The following SCNN1G variants were observed in gnomAD, a reference collection of about 807,000 sequenced individuals.
SCNN1G encodes the protein sodium channel epithelial 1 subunit gamma.
In SCNN1G, 27 loss-of-function variants were observed where a neutral mutation model predicts 64.6. The ratio of observed to expected loss-of-function variants is 0.42; its 90% CI spans 0.31 to 0.58. SCNN1G has a LOEUF of 0.58. Among genes scored for constraint, SCNN1G ranks in the 20% least tolerant of loss-of-function variants. The pLI is 0.18. For missense variants in SCNN1G, 743 were observed against 823.4 expected (o/e 0.90, Z 1.19); for synonymous variants, 330 against 314.2 (o/e 1.05, Z -0.53).
Position 23,186,343 on chromosome 16 carries a change from C to G in SCNN1G, c.72C>G (p.Thr24=), listed in dbSNP as rs781652545. 1.2e-6 allele frequency: 2 copies of G among 1,614,248 alleles called. No individual in the cohort carries two copies. Among genetic ancestry groups the G allele is most frequent in the Non-Finnish European group, 1.7e-6 (2 of 1,180,050 alleles). The change falls in exon 2 of 13, where the codon ACC becomes ACG. Residue 24 remains threonine (T), a synonymous_variant. Transcript: ENST00000300061. ...CCGTGACGGGCCCTCAGGCGCCGAC[C>G]ATTAAAGAGCTGATGCGGTGGTACT... ...NLPVTGPQAP[T]IKELMRWYCL...
At position 23,195,888 on chromosome 16, in the gene SCNN1G, A is replaced by G. The variant is rs1959787956; in HGVS notation, c.914-1376A>G. 2 of 152,220 alleles carry G rather than the reference A, an allele frequency of 1.3e-5. 1 individual carries two copies. Among genetic ancestry groups the G allele is most frequent in the South Asian group, 4.1e-4 (2 of 4,832 alleles). 9.4% of individuals were successfully genotyped at this position (152,220 alleles called of 1,614,324 possible). A position where few individuals can be genotyped will look rare whatever the true frequency, so the allele number is the denominator to read the frequency against. On this transcript the variant is annotated intron_variant, in intron 5 of 12. Coordinates refer to ENST00000300061, the MANE Select transcript of SCNN1G (RefSeq NM_001039.4). ...TAACTCTCAAAATTCTCTTCTTTCC[A>G]TCCATATAGACCCTGCTGATTCACT...
chr16:23,215,293 G>T lies in SCNN1G; in HGVS notation c.1774G>T (p.Asp592Tyr), dbSNP rs781671387. The change falls in exon 13 of 13, where the codon GAC becomes TAC. Residue 592 changes from aspartate (D) to tyrosine (Y), a missense_variant. Physicochemically the swap from Asp to Tyr is radical, Grantham distance 160 (BLOSUM62 -3). Transcript: ENST00000300061. ...PEAPRSPQGQ[D>Y]NPALDIDDDL... is the part of the protein sequence containing the mutation. The stretch of plus-strand genomic sequence containing the variant: ...AGCTCCCCGTAGCCCACAGGGCCAG[G>T]ACAATCCAGCCCTGGATATAGACGA... 1.9e-6 allele frequency: 3 copies of T among 1,614,172 alleles called. No individual in the cohort carries two copies. Among genetic ancestry groups the T allele is most frequent in the Non-Finnish European group, 2.5e-6 (3 of 1,180,030 alleles).
intron 7 of SCNN1G, among the ~76,000 whole-genome samples, chr16:23,211,348 G>A (rs1596777095): frequency 6.6e-6 from 1 of 152,168 alleles, no homozygotes; most frequent in Non-Finnish European, 1.5e-5. Flanking sequence ...AACATGGAGG[G>A]GTTGGGCTTG....
intron 5 of SCNN1G, 39 bp downstream of exon 5, chr16:23,194,313 A>C: frequency 7.4e-7 from 1 of 1,344,102 alleles, no homozygotes; most frequent in Non-Finnish European, 1.1e-6. Flanking sequence ...GAGGCCCTCC[A>C]ATAGTGGACA....
intron 2 of SCNN1G, among the ~76,000 whole-genome samples, chr16:23,187,106 CTTTTTTT>C (rs991130957): frequency 5.5e-4 from 65 of 117,926 alleles, no homozygotes; most frequent in African/African-American, 1.1e-3. Context: ...CTGGCCTTTT[CTTTTTTT>C]TTTTTTTTTT....
chr16:23,202,646 A>G (rs1016761759), intron 6 of SCNN1G, among the ~76,000 whole-genome samples: 2 of 152,226 alleles, frequency 1.3e-5, no homozygotes, highest in African/African-American at 4.8e-5. Context: ...AATGATGTGG[A>G]CCTCAGCTGA....
At chr16:23,204,334 T>TATATATATATATATATAGAGAG (rs1567267153) in intron 6 of SCNN1G, among the ~76,000 whole-genome samples, 1 of 15,176 alleles carries the variant, frequency 6.6e-5, no homozygotes, top group African/African-American at 2.8e-4. Flanking sequence ...TATATATATA[T>TATATATATATATATATAGAGAG]AGAGAGAGAG....
At chr16:23,211,102 T>G (rs946526302) in intron 7 of SCNN1G, among the ~76,000 whole-genome samples, 1 of 152,170 alleles carries the variant, frequency 6.6e-6, no homozygotes. Flanking sequence ...AGAACTACCA[T>G]GCACACACAC....
intron 5 of SCNN1G, among the ~76,000 whole-genome samples, chr16:23,196,192 T>C (rs1037877555): frequency 1.3e-5 from 2 of 152,130 alleles, no homozygotes; most frequent in South Asian, 4.1e-4. Flanking sequence ...GAAAGATCTC[T>C]AAGAGGAGGG....
chr16:23,204,334 T>TATATATATATATATATAGAGAGAG (rs1567267153), intron 6 of SCNN1G, among the ~76,000 whole-genome samples: 2 of 15,176 alleles, frequency 1.3e-4, no homozygotes, highest in Non-Finnish European at 2.2e-4. Flanking sequence ...TATATATATA[T>TATATATATATATATATAGAGAGAG]AGAGAGAGAG....
chr16:23,199,904 C>T (rs1959860922), intron 6 of SCNN1G, among the ~76,000 whole-genome samples: 1 of 152,002 alleles, frequency 6.6e-6, no homozygotes, highest in African/African-American at 2.4e-5. Flanking sequence ...ATCTCCTGAC[C>T]TTGTGATCCG....
rs756725054 is a variant in SCNN1G at position 23,186,573 on chromosome 16, A to G, written c.302A>G (p.Asn101Ser). The G allele has an allele frequency of 1.2e-6, 2 of 1,612,888 alleles. No individual in the cohort carries two copies. The highest frequency in any genetic ancestry group is 8.5e-7 in the Non-Finnish European group (1 of 1,179,944). ...GATTTTCCTGCAGTCACCATCTGCAACATCAACCCCTACAAGTAAGAGGCA... is the reference window on the plus strand; with the variant it reads ...GATTTTCCTGCAGTCACCATCTGCAGCATCAACCCCTACAAGTAAGAGGCA... ...KLDFPAVTIC[N>S]INPYKYSTVR... Residue 101 changes from asparagine (N) to serine (S), a missense_variant, in exon 2 of 13, where the codon AAC (asparagine) becomes AGC (serine). Physicochemically the swap from Asn to Ser is conservative, Grantham distance 46 (BLOSUM62 1). Transcript: ENST00000300061.
intron 2 of SCNN1G, 23 bp from the exon 3 acceptor site, chr16:23,189,348 A>G: frequency 6.2e-7 from 1 of 1,611,504 alleles, no homozygotes; most frequent in Non-Finnish European, 8.5e-7. Flanking sequence ...CCTCTCCCTG[A>G]CTTTTCCTCC....
intron 11 of SCNN1G, among the ~76,000 whole-genome samples, chr16:23,214,427 T>G (rs1960127481): frequency 1.3e-5 from 2 of 152,232 alleles, no homozygotes; most frequent in African/African-American, 4.8e-5. Flanking sequence ...CAAATGTCAA[T>G]GTTTAATGAA....
At chr16:23,185,019 C>T (rs1370708531) in intron 1 of SCNN1G, among the ~76,000 whole-genome samples, 4 of 152,178 alleles carry the variant, frequency 2.6e-5, no homozygotes, top group Admixed American at 2.0e-4. Flanking sequence ...CTTCTCTTTC[C>T]TCCTACCTTT....
chr16:23,203,711 G>A (rs12446988), intron 6 of SCNN1G, among the ~76,000 whole-genome samples: 110,591 of 147,118 alleles, frequency 0.75, 42,144 homozygotes, highest in East Asian at 0.88. Flanking sequence ...TGGAGCTTGC[G>A]GTGAGCCGAG....
chr16:23,184,885 T>C (rs983408721), intron 1 of SCNN1G, among the ~76,000 whole-genome samples: 5 of 152,218 alleles, frequency 3.3e-5, no homozygotes, highest in African/African-American at 1.2e-4. Context: ...TTTGCCTTTG[T>C]CACTGTAGAA....
chr16:23,210,325 T>C (rs969351795), intron 7 of SCNN1G, among the ~76,000 whole-genome samples: 12 of 152,108 alleles, frequency 7.9e-5, no homozygotes, highest in Non-Finnish European at 1.6e-4. Flanking sequence ...TTCAAGAGCC[T>C]GGATGGTGTT....
intron 9 of SCNN1G, 29 bp downstream of exon 9, chr16:23,212,785 T>A (rs12708649): frequency 9.3e-6 from 15 of 1,613,372 alleles, no homozygotes; most frequent in Non-Finnish European, 1.3e-5. Flanking sequence ...GTGAGACGGG[T>A]GGCTGGGTTG....
Sources: allele counts gnomAD v4.1 joint callset (sites outside exome capture counted in the v4.1 genomes callset), GRCh38; gene constraint gnomAD v4.1.1; transcripts MANE v1.5; gene names NCBI Gene and HGNC (gene_info 2026-07-23, HGNC 2026-07-21).